PRKG1: variants seen among roughly 807,000 people sequenced by gnomAD.
PRKG1 encodes the protein cGMP-dependent protein kinase 1.
PRKG1 carries 35 observed loss-of-function variants against 88.1 expected under a neutral mutation model. That is an observed-to-expected ratio of 0.40 (90% CI 0.30 to 0.53). The LOEUF (loss-of-function observed/expected upper bound fraction) is 0.53, where lower values mean the gene tolerates loss of function less well. PRKG1 is among the 20% of genes least tolerant of loss of function. The probability of loss-of-function intolerance (pLI) is 0.59; values close to 1 mark genes in which losing one functional copy is unlikely to be tolerated. For synonymous variants in PRKG1, 303 were observed against 292.5 expected, an observed-to-expected ratio of 1.04 and a Z score of -0.37; for missense variants, 540 against 839.8, an observed-to-expected ratio of 0.64 and a Z score of 4.41.
rs191665863 is a variant in PRKG1 at position 51,595,964 on chromosome 10, G to A, written c.592+128128G>A. Among the ~76,000 whole-genome samples the A allele has an allele frequency of 7.9e-5, 12 of 152,070 alleles. No individual in the cohort carries two copies. In the East Asian group the frequency reaches 2.3e-3, roughly 30 times the overall value. ...TCCTGCCTCAGACTCCTGTGTAGCTGGGCTTACAGGCGCCTGCCACCATGC... is the reference window on the plus strand; with the variant it reads ...TCCTGCCTCAGACTCCTGTGTAGCTAGGCTTACAGGCGCCTGCCACCATGC... On this transcript the variant is annotated intron_variant, in intron 3 of 17. Coordinates refer to ENST00000373980, the MANE Select transcript of PRKG1 (RefSeq NM_006258.4).
At chr10:51,499,939 A>G (rs1017498769) in intron 3 of PRKG1, among the ~76,000 whole-genome samples, 1 of 152,214 alleles carries the variant, frequency 6.6e-6, no homozygotes, top group African/African-American at 2.4e-5. Flanking sequence ...AGCCCAGGTG[A>G]CAGAGTGAGA....
intron 5 of PRKG1, among the ~76,000 whole-genome samples, chr10:51,977,005 G>A (rs939435275): frequency 2.0e-5 from 3 of 151,858 alleles, no homozygotes; most frequent in Admixed American, 2.0e-4. Flanking sequence ...TGGGGCACAT[G>A]TACAGGTTTG....
At chr10:51,914,423 A>G (rs1842293672) in intron 5 of PRKG1, among the ~76,000 whole-genome samples, 1 of 152,188 alleles carries the variant, frequency 6.6e-6, no homozygotes, top group South Asian at 2.1e-4. Context: ...AGGAAAACCG[A>G]ACTTTATTGA....
chr10:51,472,350 A>C (rs1023082391), intron 3 of PRKG1, among the ~76,000 whole-genome samples: 2 of 151,964 alleles, frequency 1.3e-5, no homozygotes, highest in Admixed American at 1.3e-4. Flanking sequence ...TGACTGTCGA[A>C]AACCTAAATG....
chr10:51,071,662 C>G (rs1466996537), upstream of PRKG1, among the ~76,000 whole-genome samples: 1 of 152,140 alleles, frequency 6.6e-6, no homozygotes, highest in Non-Finnish European at 1.5e-5. Flanking sequence ...TAAGTATTTA[C>G]ATAATTTAGT....
intron 3 of PRKG1, among the ~76,000 whole-genome samples, chr10:51,557,808 A>C (rs140038080): frequency 1.3e-5 from 2 of 152,044 alleles, no homozygotes; most frequent in Non-Finnish European, 2.9e-5. Context: ...CAACTACTAC[A>C]ACAGAACCTC....
intron 5 of PRKG1, among the ~76,000 whole-genome samples, chr10:52,032,819 T>G (rs1261675235): frequency 6.6e-6 from 1 of 152,164 alleles, no homozygotes; most frequent in Admixed American, 6.5e-5. Flanking sequence ...ATTGGACATA[T>G]CTTCATAAAG....
At chr10:52,109,725 T>C (rs1428912981) in intron 7 of PRKG1, among the ~76,000 whole-genome samples, 2 of 152,070 alleles carry the variant, frequency 1.3e-5, no homozygotes, top group East Asian at 3.9e-4. Context: ...ATCACGCCAC[T>C]GCACTCCAGC....
chr10:51,374,095 T>A (rs77407592), intron 2 of PRKG1, among the ~76,000 whole-genome samples: 22,315 of 77,026 alleles, frequency 0.29, 3,387 homozygotes, highest in East Asian at 0.54. Context: ...AAAAAAAAAA[T>A]ATATATATAT....
At chr10:52,192,496 C>A in intron 9 of PRKG1, among the ~76,000 whole-genome samples, 1 of 152,068 alleles carries the variant, frequency 6.6e-6, no homozygotes. Flanking sequence ...AAGGGAGTAG[C>A]ATATTAAGTT....
intron 2 of PRKG1, among the ~76,000 whole-genome samples, chr10:51,317,789 A>G (rs1841360545): frequency 1.3e-5 from 2 of 152,172 alleles, no homozygotes. Context: ...TCTATTTCCT[A>G]TAGAATAAAG....
chr10:52,134,777 G>T (rs571341732), intron 8 of PRKG1, among the ~76,000 whole-genome samples: 1 of 152,226 alleles, frequency 6.6e-6, no homozygotes, highest in South Asian at 2.1e-4. Flanking sequence ...TGGATGCCGA[G>T]CTCAGAGGAC....
At chr10:51,909,385 C>T (rs569878686) in intron 5 of PRKG1, 5 of 151,842 alleles carry the variant, frequency 3.3e-5, no homozygotes, top group Admixed American at 6.6e-5. Context: ...GAGGGAGCAG[C>T]CAACAATTAT....
At chr10:52,223,637 G>T (rs1156593587) in intron 9 of PRKG1, among the ~76,000 whole-genome samples, 6 of 152,068 alleles carry the variant, frequency 3.9e-5, no homozygotes, top group Admixed American at 6.6e-5. Flanking sequence ...TTCCAGCCTG[G>T]ATTTATCTTT....
intron 5 of PRKG1, among the ~76,000 whole-genome samples, chr10:52,011,622 A>G (rs993487061): frequency 6.6e-6 from 1 of 152,082 alleles, no homozygotes; most frequent in Non-Finnish European, 1.5e-5. Context: ...TGTACTCCTC[A>G]TCTGATTTGT....
intron 2 of PRKG1, among the ~76,000 whole-genome samples, chr10:51,206,063 C>A (rs1255636969): frequency 6.6e-6 from 1 of 152,110 alleles, no homozygotes; most frequent in Non-Finnish European, 1.5e-5. Context: ...GGTAAACAGT[C>A]AATTTTAGTT....
intron 5 of PRKG1, among the ~76,000 whole-genome samples, chr10:51,915,180 A>G (rs550027028): frequency 6.6e-6 from 1 of 152,210 alleles, no homozygotes; most frequent in Non-Finnish European, 1.5e-5. Flanking sequence ...TGAGTAACAG[A>G]GAAAAAGTCC....
intron 2 of PRKG1, among the ~76,000 whole-genome samples, chr10:51,328,270 C>T (rs929729162): frequency 2.6e-5 from 4 of 152,116 alleles, no homozygotes; most frequent in Admixed American, 2.0e-4. Flanking sequence ...AACGTGATGT[C>T]TTGTAGGTTC....
chr10:51,222,177 C>T lies in PRKG1; in HGVS notation c.478+68847C>T, dbSNP rs180846194. 5.6e-3 allele frequency among the ~76,000 whole-genome samples: 847 copies of T among 150,580 alleles called. 4 individuals are homozygous for T. The highest frequency in any genetic ancestry group is 0.019 in the African/African-American group (798 of 41,166). On this transcript the variant is annotated intron_variant, in intron 2 of 17. Transcript: ENST00000373980. ...TTGGGATTACAGGCATGAGCCACCG[C>T]GCCCAGCCTGTTTCATATTTTTCTA... is the stretch of plus-strand genomic sequence containing the variant.
Sources: gnomAD v4.1 joint callset for allele counts (sites outside exome capture counted in the v4.1 genomes callset) on GRCh38, gnomAD v4.1.1 for gene constraint, MANE v1.5 for transcripts, NCBI Gene and HGNC (gene_info 2026-07-23, HGNC 2026-07-21) for gene names.